The following ODAD2 variants were observed in gnomAD, a reference collection of about 807,000 sequenced individuals.
ODAD2 encodes the protein outer dynein arm docking complex subunit 2.
ODAD2 carries 89 observed loss-of-function variants against 106.8 expected under a neutral mutation model. The observed-to-expected ratio is 0.83, with a 90% confidence interval of 0.70 to 0.99. The LOEUF (loss-of-function observed/expected upper bound fraction) is 0.99. Ranked by LOEUF, ODAD2 falls within the 50% of genes least tolerant of loss-of-function variation. The pLI is 0.00. For missense variants in ODAD2, 1,168 were observed against 1,238.5 expected, an observed-to-expected ratio of 0.94 and a Z score of 0.85; for synonymous variants, 404 against 436.2, an observed-to-expected ratio of 0.93 and a Z score of 0.92.
intron 6 of ODAD2, 84 bp from the exon 7 acceptor site, chr10:27,981,666 C>T (rs937089333): frequency 9.2e-6 from 9 of 982,444 alleles, no homozygotes; most frequent in Admixed American, 2.9e-5. Flanking sequence ...GCTAGCCACA[C>T]GTATTATTTT....
chr10:27,875,147 C>A (rs533651734), intron 17 of ODAD2, among the ~76,000 whole-genome samples: 2 of 152,178 alleles, frequency 1.3e-5, no homozygotes, highest in Non-Finnish European at 2.9e-5. Flanking sequence ...TTGATTGAAT[C>A]GGCTACTAAA....
At chr10:27,923,936 C>T (rs9417567) in intron 16 of ODAD2, among the ~76,000 whole-genome samples, 15,586 of 98,512 alleles carry the variant, frequency 0.16, 1,123 homozygotes, top group Non-Finnish European at 0.21. Context: ...AGAGAGAGAC[C>T]CTGTCTAATG....
chr10:27,948,790 T>TA (rs1207544755), intron 10 of ODAD2, among the ~76,000 whole-genome samples: 3 of 145,888 alleles, frequency 2.1e-5, no homozygotes, highest in African/African-American at 7.9e-5. Context: ...TTTTTTTTTT[T>TA]TTTTTTTTTT....
chr10:27,988,011 GA>G (rs199881398), intron 2 of ODAD2, among the ~76,000 whole-genome samples: 19 of 146,216 alleles, frequency 1.3e-4, no homozygotes, highest in African/African-American at 2.5e-4. Flanking sequence ...AAAAAACTAT[GA>G]AAAAAAAAGC....
Position 27,989,738 on chromosome 10 carries a change from C to G in ODAD2, c.225-2195G>C, listed in dbSNP as rs536559840. 5.9e-5 allele frequency among the ~76,000 whole-genome samples: 9 copies of G among 152,276 alleles called. No individual in the cohort carries two copies. In the South Asian group the frequency reaches 1.9e-3, roughly 32 times the overall value. ...GTGGCACGTGCTTTGGTCCCAGCTA[C>G]TTGGGAGGCTGAGGTGGGAGGATCA... On this transcript the variant is annotated intron_variant, in intron 2 of 19. Transcript: ENST00000305242.
intron 9 of ODAD2, among the ~76,000 whole-genome samples, chr10:27,966,363 T>C (rs559776688): frequency 6.6e-6 from 1 of 152,288 alleles, no homozygotes; most frequent in South Asian, 2.1e-4. Context: ...AAAGCCTAAA[T>C]TCACCTTCCT....
chr10:27,886,969 G>A (rs1479489666), intron 17 of ODAD2, among the ~76,000 whole-genome samples: 1 of 151,852 alleles, frequency 6.6e-6, no homozygotes, highest in African/African-American at 2.4e-5. Context: ...GGAATAAAAG[G>A]CTATAAAACA....
chr10:27,924,024 A>AAG (rs1845041994), intron 16 of ODAD2, among the ~76,000 whole-genome samples: 1 of 107,656 alleles, frequency 9.3e-6, no homozygotes, highest in Admixed American at 9.6e-5. Context: ...GAAAGAAAGA[A>AAG]GGAAAGAGAA....
chr10:27,956,668 G>A (rs1396007382), intron 10 of ODAD2, among the ~76,000 whole-genome samples: 1 of 152,140 alleles, frequency 6.6e-6, no homozygotes, highest in African/African-American at 2.4e-5. Context: ...CATTATTCTA[G>A]TCTTCTCAAT....
chr10:27,931,302 A>C (rs1461212218), intron 16 of ODAD2, among the ~76,000 whole-genome samples: 1 of 152,132 alleles, frequency 6.6e-6, no homozygotes, highest in Admixed American at 6.6e-5. Context: ...AGTTGTGGCC[A>C]TTCCCCTGTT....
intron 16 of ODAD2, among the ~76,000 whole-genome samples, chr10:27,925,870 A>G (rs933858112): frequency 2.0e-5 from 3 of 152,022 alleles, no homozygotes; most frequent in Non-Finnish European, 2.9e-5. Context: ...ATCAATTTAA[A>G]GAATAAGAAT....
chr10:27,937,850 T>G (rs1846101174), intron 14 of ODAD2, among the ~76,000 whole-genome samples: 1 of 152,242 alleles, frequency 6.6e-6, no homozygotes, highest in African/African-American at 2.4e-5. Flanking sequence ...CAGTGGTTAC[T>G]CTGATGAGGC....
At chr10:27,887,661 T>C (rs1842313271) in intron 17 of ODAD2, among the ~76,000 whole-genome samples, 1 of 151,840 alleles carries the variant, frequency 6.6e-6, no homozygotes, top group South Asian at 2.1e-4. Context: ...AAATAGAAAT[T>C]TGCAGCAGAA....
At chr10:27,931,924 A>C (rs1393326679) in intron 16 of ODAD2, among the ~76,000 whole-genome samples, 2 of 151,970 alleles carry the variant, frequency 1.3e-5, no homozygotes, top group African/African-American at 4.8e-5. Context: ...TAAGTTGAAA[A>C]TATAAATCAA....
chr10:27,963,012 T>C (rs1297092176), intron 9 of ODAD2, among the ~76,000 whole-genome samples: 1 of 123,900 alleles, frequency 8.1e-6, no homozygotes, highest in Non-Finnish European at 1.7e-5. Context: ...CCCTGTGTAC[T>C]TTTTTTTTTT....
rs144952381 is a variant in ODAD2 at position 27,961,032 on chromosome 10, G to C, written c.1386+536C>G. ...TTCTCATATATGCTATCTGACGTGA[G>C]AGAAATGAAAATGAACCAATCCACA... On this transcript the variant is annotated intron_variant, in intron 10 of 19. Transcript: ENST00000305242. Among the ~76,000 whole-genome samples, 790 of 152,226 alleles carry C rather than the reference G, an allele frequency of 5.2e-3. 6 individuals carry two copies. Among genetic ancestry groups the C allele is most frequent in the African/African-American group, 0.018 (731 of 41,550 alleles).
intron 16 of ODAD2, among the ~76,000 whole-genome samples, chr10:27,911,695 G>A (rs540228213): frequency 3.3e-5 from 5 of 152,206 alleles, no homozygotes; most frequent in African/African-American, 7.2e-5. Flanking sequence ...AACCTCTTTC[G>A]CAAATTCTCT....
intron 16 of ODAD2, among the ~76,000 whole-genome samples, chr10:27,924,637 A>AC (rs1466904372): frequency 5.5e-5 from 8 of 145,914 alleles, no homozygotes; most frequent in Non-Finnish European, 1.5e-5. Flanking sequence ...AAAAAAAAAA[A>AC]AAACAGAAGA....
At chr10:27,847,705 G>T (rs371708281) in intron 19 of ODAD2, among the ~76,000 whole-genome samples, 3 of 152,192 alleles carry the variant, frequency 2.0e-5, no homozygotes, top group African/African-American at 7.2e-5. Flanking sequence ...CTTAAGCTGA[G>T]AAGCAACTTC....
Sources: gnomAD v4.1 joint callset for allele counts (sites outside exome capture counted in the v4.1 genomes callset) on GRCh38, gnomAD v4.1.1 for gene constraint, MANE v1.5 for transcripts, NCBI Gene and HGNC (gene_info 2026-07-23, HGNC 2026-07-21) for gene names.